HDDC3: variants seen among roughly 807,000 people sequenced by gnomAD.
HDDC3 encodes the protein HD domain containing 3, also known as guanosine-3',5'-bis(diphosphate) 3'-pyrophosphohydrolase MESH1.
In HDDC3, 18 loss-of-function variants were observed where a neutral mutation model predicts 19.1. The observed-to-expected ratio is 0.94, with a 90% CI of 0.65 to 1.40. The LOEUF (loss-of-function observed/expected upper bound fraction) is 1.40. HDDC3 is among the 40% of genes most tolerant of loss of function. HDDC3 has a pLI of 0.00. For synonymous variants in HDDC3, 107 were observed against 99.4 expected (o/e 1.08, Z -0.46); for missense variants, 250 against 228.9 (o/e 1.09, Z -0.59).
rs1437921030 is a variant in HDDC3 at position 90,931,743 on chromosome 15, G to C, written c.370C>G (p.Leu124Val). The change falls in exon 3 of 4, where the codon CTG becomes GTG. Residue 124 changes from leucine to valine, a missense_variant. Coordinates refer to ENST00000394272, the MANE Select transcript of HDDC3 (RefSeq NM_001286451.2). ...GAKLVKLADK[L>V]YNLRDLNRCT... ...CGATTCAGGTCCCTCAGATTGTACA[G>C]CTTGTCTGCCAGCTTCACCAGTTTG... is the stretch of plus-strand genomic sequence containing the variant. 6.2e-7 allele frequency: 1 copy of C among 1,614,120 alleles called. No individual in the cohort carries two copies. The highest frequency in any genetic ancestry group is 1.7e-5 in the Admixed American group (1 of 60,014).
In HDDC3 at chr15:90,931,873, T is replaced by C. The variant is rs1305884555; in HGVS notation, c.240A>G (p.Ala80=). 1 of 1,613,980 alleles carries C rather than the reference T, an allele frequency of 6.2e-7. No homozygotes were observed. Among genetic ancestry groups the C allele is most frequent in the African/African-American group, 1.3e-5 (1 of 74,926 alleles). The part of the protein sequence containing the change: ...TLDEVELHFG[A]QVRRLVEEVT... Reference sequence around the variant, plus strand: ...CCTCCTCCACCAGGCGCCGCACTTGTGCCCCAAAGTGTAGCTCCACCTCAT... The same window carrying C: ...CCTCCTCCACCAGGCGCCGCACTTGCGCCCCAAAGTGTAGCTCCACCTCAT... Residue 80 remains alanine (A), a synonymous_variant, in exon 3 of 4, where the codon GCA becomes GCG. Transcript: ENST00000394272.
Position 90,931,287 on chromosome 15 carries a change from C to T in HDDC3, c.528G>A (p.Gly176=), listed in dbSNP as rs958562535. ...CTTCAAGCACTGATCAGATTGTCAG[C>T]CCCCGCTGCTTGAACAGATGCTTTA... ...EALKHLFKQR[G]LTI Residue 176 remains glycine (G), a synonymous_variant, in exon 4 of 4, where the codon GGG becomes GGA. Coordinates refer to ENST00000394272, the MANE Select transcript of HDDC3 (RefSeq NM_001286451.2). 1.9e-6 allele frequency: 3 copies of T among 1,550,796 alleles called. No individual in the cohort carries two copies. Among genetic ancestry groups the T allele is most frequent in the Non-Finnish European group, 2.6e-6 (3 of 1,146,998 alleles).
At position 90,931,777 on chromosome 15, in the gene HDDC3, G is replaced by T. The variant is rs779117867; in HGVS notation, c.336C>A (p.Ser112Arg). The change falls in exon 3 of 4, where the codon AGC becomes AGA. Residue 112 changes from serine to arginine, a missense_variant. Physicochemically the swap from Ser to Arg is moderately radical, Grantham distance 110. Coordinates refer to ENST00000394272, the MANE Select transcript of HDDC3 (RefSeq NM_001286451.2). The part of the protein sequence containing the change: ...RLQVEQAPHS[S>R]PGAKLVKLAD... ...CCAGCTTCACCAGTTTGGCCCCGGG[G>T]CTACTGTGGGGCGCTTGCTCCACCT... The T allele has an allele frequency of 1.2e-6, 2 of 1,614,102 alleles. No homozygotes were observed. Among genetic ancestry groups the T allele is most frequent in the South Asian group, 2.2e-5 (2 of 91,082 alleles).
Position 90,932,531 on chromosome 15 carries a change from C to G in HDDC3, c.10G>C (p.Glu4Gln), listed in dbSNP as rs1041004690. 2 of 1,267,950 alleles carry G rather than the reference C, an allele frequency of 1.6e-6. No individual in the cohort carries two copies. Among genetic ancestry groups the G allele is most frequent in the African/African-American group, 1.5e-5 (1 of 65,114 alleles). The allele number at this position is 1,267,950 out of a possible 1,614,324, so 78.5% of individuals were successfully genotyped here. The change falls in exon 1 of 4, where the codon GAG (glutamate) becomes CAG (glutamine). Residue 4 changes from glutamate (E) to glutamine (Q), a missense_variant. By Grantham distance (29) the Glu-to-Gln change is conservative. Transcript: ENST00000394272. ...GCAGCCTCCAGCAGCTGCGCCGCCT[C>G]AGAGCCCATCGCGCGGATGGGGCCG... MGS[E>Q]AAQLLEAADF...
chr15:90,931,206 G>T lies in HDDC3; in HGVS notation c.*69C>A. ...GAGGGAGCTCAGGAGACACAGAAAA[G>T]ATGGCGTATGAATCCTGTCCGGCCT... On this transcript the variant is annotated 3_prime_UTR_variant, in exon 4 of 4. Transcript: ENST00000394272. 1 of 1,516,782 alleles carries T rather than the reference G, an allele frequency of 6.6e-7. No homozygotes were observed. The highest frequency in any genetic ancestry group is 8.9e-7 in the Non-Finnish European group (1 of 1,119,022). 94.0% of individuals were successfully genotyped at this position (1,516,782 alleles called of 1,614,324 possible).
rs950771699 is a variant in HDDC3 at position 90,930,845 on chromosome 15, C to A, written c.*430G>T. The A allele has an allele frequency of 1.6e-4, 34 of 208,750 alleles. No individual in the cohort carries two copies. The Admixed American group carries it at 1.6e-3, about 10-fold the overall frequency. 12.9% of individuals were successfully genotyped at this position (208,750 alleles called of 1,614,324 possible). On this transcript the variant is annotated 3_prime_UTR_variant, in exon 4 of 4. Transcript: ENST00000394272. ...CTGAGGGAGGTGACTCCGGGACACA[C>A]AATTAGTCCTGCTTTGCTGAAGGAA...
Position 90,931,188 on chromosome 15 carries a change from C to T in HDDC3, c.*87G>A. On this transcript the variant is annotated 3_prime_UTR_variant, in exon 4 of 4. Transcript: ENST00000394272. The stretch of plus-strand genomic sequence containing the variant: ...TAATATCTGGGAAGGATGGAGGGAG[C>T]TCAGGAGACACAGAAAAGATGGCGT... The T allele has an allele frequency of 6.8e-7, 1 of 1,474,434 alleles. No homozygotes were observed. Among genetic ancestry groups the T allele is most frequent in the Non-Finnish European group, 9.2e-7 (1 of 1,083,748 alleles). 91.3% of individuals were successfully genotyped at this position (1,474,434 alleles called of 1,614,324 possible). A position where few individuals can be genotyped will look rare whatever the true frequency, so the allele number is the denominator to read the frequency against.
rs757146652 is a variant in HDDC3, at chr15:90,931,751, G to C, written c.362C>G (p.Ala121Gly). 1.2e-6 allele frequency: 2 copies of C among 1,614,128 alleles called. No individual in the cohort carries two copies. Among genetic ancestry groups the C allele is most frequent in the Admixed American group, 3.3e-5 (2 of 60,012 alleles). The change falls in exon 3 of 4, where the codon GCA (alanine) becomes GGA (glycine). Residue 121 changes from alanine (A) to glycine (G), a missense_variant. Ala to Gly is a moderately conservative substitution (Grantham distance 60, BLOSUM62 0). Transcript: ENST00000394272. ...GTCCCTCAGATTGTACAGCTTGTCT[G>C]CCAGCTTCACCAGTTTGGCCCCGGG... ...SSPGAKLVKL[A>G]DKLYNLRDLN...
intron 1 of HDDC3, 25 bp downstream of exon 1, chr15:90,932,404 G>T (rs752989734): frequency 3.9e-6 from 5 of 1,298,142 alleles, no homozygotes; most frequent in Non-Finnish European, 4.9e-6. Context: ...TGCCGCAGCC[G>T]GCGCTCCGCG....
chr15:90,932,499 G>T lies in HDDC3; in HGVS notation c.42C>A (p.Phe14Leu). Residue 14 changes from phenylalanine (F) to leucine (L), a missense_variant, in exon 1 of 4, where the codon TTC (phenylalanine) becomes TTA (leucine). Transcript: ENST00000394272. Reference sequence around the variant, plus strand: ...GCTGCTGCCGGTGCTTGCGAGCCGCGAAGTCGGCAGCCTCCAGCAGCTGCG... The same window carrying T: ...GCTGCTGCCGGTGCTTGCGAGCCGCTAAGTCGGCAGCCTCCAGCAGCTGCG... Reference protein sequence around the residue: ...EAAQLLEAADFAARKHRQQRR... With the variant: ...EAAQLLEAADLAARKHRQQRR... 7.7e-7 allele frequency: 1 copy of T among 1,303,526 alleles called. No individual in the cohort carries two copies. Among genetic ancestry groups the T allele is most frequent in the Non-Finnish European group, 9.7e-7 (1 of 1,026,376 alleles). 80.7% of individuals were successfully genotyped at this position (1,303,526 alleles called of 1,614,324 possible).
chr15:90,932,265 G>A, intron 1 of HDDC3, 155 bp from the exon 2 acceptor site: 1 of 893,678 alleles, frequency 1.1e-6, no homozygotes, highest in East Asian at 2.7e-5. Flanking sequence ...ACCGACAAAG[G>A]GAACGATCAT....
rs1026484275 is a variant in HDDC3, at chr15:90,931,227, G to A, written c.*48C>T. On this transcript the variant is annotated 3_prime_UTR_variant, in exon 4 of 4. Transcript: ENST00000394272. ...AAAAGATGGCGTATGAATCCTGTCCGGCCTGAACGAGGCTGGAGTTGTGCC... is the reference window on the plus strand; with the variant it reads ...AAAAGATGGCGTATGAATCCTGTCCAGCCTGAACGAGGCTGGAGTTGTGCC... The A allele has an allele frequency of 3.9e-6, 6 of 1,545,106 alleles. No homozygotes were observed. In the East Asian group the frequency reaches 7.3e-5, roughly 19 times the overall value.
At position 90,931,911 on chromosome 15, in the gene HDDC3, CTG is replaced by C; in HGVS notation, c.200_201del (p.Thr67ArgfsTer6). ...AGCTCCACCTCATCCAGGGTGGTGT[CTG>C]TGTCCTCCACCGTGTCATGGAGCAG... ...AALLHDTVED[T>X]DTTLDEVELH... On this transcript the variant is annotated frameshift_variant, in exon 3 of 4. Transcript: ENST00000394272. LOFTEE classifies it high-confidence loss of function. 4 of 1,613,988 alleles carry C rather than the reference CTG, an allele frequency of 2.5e-6. No individual in the cohort carries two copies. The highest frequency in any genetic ancestry group is 8.5e-7 in the Non-Finnish European group (1 of 1,180,022).
Position 90,931,355 on chromosome 15 carries a change from C to T in HDDC3, c.460G>A (p.Val154Met). The T allele has an allele frequency of 1.9e-6, 3 of 1,553,588 alleles. No homozygotes were observed. Among genetic ancestry groups the T allele is most frequent in the Non-Finnish European group, 2.6e-6 (3 of 1,147,802 alleles). ...CGGTTTGTTCCCTGAAGCCCCTTCA[C>T]CACCTGCGCTGCCCACTCGAAGTAT... ...QEYFEWAAQV[V>M]KGLQGTNRQL... Residue 154 changes from valine to methionine, a missense_variant, in exon 4 of 4, where the codon GTG becomes ATG. Val to Met is a conservative substitution (Grantham distance 21, BLOSUM62 1). Coordinates refer to ENST00000394272, the MANE Select transcript of HDDC3 (RefSeq NM_001286451.2).
intron 1 of HDDC3, 125 bp downstream of exon 1, chr15:90,932,303 TA>T: frequency 1.2e-6 from 1 of 810,466 alleles, no homozygotes; most frequent in Middle Eastern, 3.3e-4. Context: ...TTATGAGGCT[TA>T]AACGGTATAT....
chr15:90,931,752 C>G lies in HDDC3; in HGVS notation c.361G>C (p.Ala121Pro), dbSNP rs1215151015. 6.2e-7 allele frequency: 1 copy of G among 1,614,048 alleles called. No individual in the cohort carries two copies. Among genetic ancestry groups the G allele is most frequent in the South Asian group, 1.1e-5 (1 of 91,086 alleles). ...TCCCTCAGATTGTACAGCTTGTCTGCCAGCTTCACCAGTTTGGCCCCGGGG... is the reference window on the plus strand; with the variant it reads ...TCCCTCAGATTGTACAGCTTGTCTGGCAGCTTCACCAGTTTGGCCCCGGGG... ...SSPGAKLVKL[A>P]DKLYNLRDLN... Residue 121 changes from alanine to proline, a missense_variant, in exon 3 of 4, where the codon GCA (alanine) becomes CCA (proline). Transcript: ENST00000394272.
Position 90,931,948 on chromosome 15 carries a change from G to C in HDDC3, c.169-4C>G, listed in dbSNP as rs781667437. The C allele has an allele frequency of 1.2e-5, 20 of 1,613,626 alleles. No individual in the cohort carries two copies. Among genetic ancestry groups the C allele is most frequent in the Admixed American group, 8.3e-5 (5 of 59,994 alleles). The stretch of plus-strand genomic sequence containing the variant: ...CCGTGTCATGGAGCAGGGCCGCCTG[G>C]GGACAAGTTCCCACTCAGCCCTGAG... On this transcript the variant is annotated splice_polypyrimidine_tract_variant and splice_region_variant and intron_variant, in intron 2 of 3. Coordinates refer to ENST00000394272, the MANE Select transcript of HDDC3 (RefSeq NM_001286451.2).
rs1164093409 is a variant in HDDC3 at position 90,931,371 on chromosome 15, C to A, written c.444G>T (p.Glu148Asp). Residue 148 changes from glutamate (E) to aspartate (D), a missense_variant, in exon 4 of 4, where the codon GAG becomes GAT. By Grantham distance (45) the Glu-to-Asp change is conservative (BLOSUM62 2). Coordinates refer to ENST00000394272, the MANE Select transcript of HDDC3 (RefSeq NM_001286451.2). ...GCCCCTTCACCACCTGCGCTGCCCA[C>A]TCGAAGTATTCCTGGACTCGATGTT... ...WSEHRVQEYFEWAAQVVKGLQ... is the reference protein window; with the variant it reads ...WSEHRVQEYFDWAAQVVKGLQ... 6.4e-7 allele frequency: 1 copy of A among 1,557,632 alleles called. No homozygotes were observed. The highest frequency in any genetic ancestry group is 8.7e-7 in the Non-Finnish European group (1 of 1,149,830).
chr15:90,931,362 C>T lies in HDDC3; in HGVS notation c.453G>A (p.Ala151=), dbSNP rs913032502. ...TTCCCTGAAGCCCCTTCACCACCTG[C>T]GCTGCCCACTCGAAGTATTCCTGGA... The part of the protein sequence containing the change: ...HRVQEYFEWA[A]QVVKGLQGTN... Residue 151 remains alanine (A), a synonymous_variant, in exon 4 of 4, where the codon GCG becomes GCA. Transcript: ENST00000394272. 37 of 1,554,356 alleles carry T rather than the reference C, an allele frequency of 2.4e-5. No homozygotes were observed. The highest frequency in any genetic ancestry group is 3.0e-5 in the Non-Finnish European group (34 of 1,148,230).
Sources: allele counts gnomAD v4.1 joint callset, GRCh38; gene constraint gnomAD v4.1.1; transcripts MANE v1.5; gene names NCBI Gene and HGNC (gene_info 2026-07-23, HGNC 2026-07-21).